MPPED2: variants seen among roughly 807,000 people sequenced by gnomAD.
MPPED2 encodes metallophosphoesterase MPPED2.
In MPPED2, 5 loss-of-function variants were observed where a neutral mutation model predicts 33.0. The observed-to-expected ratio is 0.15, with a 90% CI of 0.08 to 0.32. The LOEUF is 0.32. Ranked by LOEUF, MPPED2 falls within the 10% of genes least tolerant of loss-of-function variation. The pLI is 1.00. For synonymous variants in MPPED2, 136 were observed against 141.9 expected, an observed-to-expected ratio of 0.96 and a Z score of 0.29; for missense variants, 275 against 372.1, an observed-to-expected ratio of 0.74 and a Z score of 2.15.
At chr11:30,411,634 T>A in intron 6 of MPPED2, 48 bp from the exon 7 acceptor site, 1 of 1,514,292 alleles carries the variant, frequency 6.6e-7, no homozygotes, top group Non-Finnish European at 9.0e-7. Flanking sequence ...CAAATGAGAG[T>A]GATGGAATGT....
intron 4 of MPPED2, among the ~76,000 whole-genome samples, chr11:30,448,237 A>G (rs1949900489): frequency 6.6e-6 from 1 of 152,232 alleles, no homozygotes; most frequent in Non-Finnish European, 1.5e-5. Flanking sequence ...AACCCTACGC[A>G]TGTCATGCTT....
At chr11:30,401,976 C>T (rs1235495434) in intron 6 of MPPED2, among the ~76,000 whole-genome samples, 2 of 151,994 alleles carry the variant, frequency 1.3e-5, no homozygotes, top group South Asian at 2.1e-4. Flanking sequence ...GGATTACAGA[C>T]GTGAGCCACC....
chr11:30,421,110 G>A (rs996151069), intron 4 of MPPED2, among the ~76,000 whole-genome samples: 5 of 152,158 alleles, frequency 3.3e-5, no homozygotes, highest in Non-Finnish European at 7.3e-5. Flanking sequence ...TTGTTACAAC[G>A]AGGAGATCTG....
At chr11:30,580,982 T>G (rs911763991) in intron 1 of MPPED2, among the ~76,000 whole-genome samples, 41 of 152,246 alleles carry the variant, frequency 2.7e-4, no homozygotes, top group African/African-American at 9.4e-4. Flanking sequence ...CAAATACATG[T>G]GTATTACTAT....
In MPPED2 at chr11:30,481,731, G is replaced by A. The variant is rs574089286; in HGVS notation, c.536+13565C>T. Among the ~76,000 whole-genome samples, 10 of 152,114 alleles carry A rather than the reference G, an allele frequency of 6.6e-5. No individual in the cohort carries two copies. The East Asian group carries it at 1.5e-3, about 23-fold the overall frequency. ...GTCACATTCAGGGATGAATCAAAAC[G>A]CAGCACCAAAAAGGTCTGGGTTTTA... On this transcript the variant is annotated intron_variant, in intron 4 of 6. Coordinates refer to ENST00000358117, the MANE Select transcript of MPPED2 (RefSeq NM_001584.3).
chr11:30,436,050 C>CTTTTTTT (rs71060449), intron 4 of MPPED2, among the ~76,000 whole-genome samples: 1 of 108,462 alleles, frequency 9.2e-6, no homozygotes, highest in Non-Finnish European at 1.8e-5. Flanking sequence ...AGTTTAGCAT[C>CTTTTTTT]TTTTTTTTTT....
At position 30,459,640 on chromosome 11, in the gene MPPED2, G is replaced by A. The variant is rs1046598802; in HGVS notation, c.536+35656C>T. On this transcript the variant is annotated intron_variant, in intron 4 of 6. Transcript: ENST00000358117. ...CAAATCCACAAAGCTTCACATAGAA[G>A]CTCTCTCTCTCTGGTATCATATTAT... Among the ~76,000 whole-genome samples the A allele has an allele frequency of 2.0e-5, 3 of 151,960 alleles. No individual in the cohort carries two copies. The East Asian group carries it at 5.8e-4, about 29-fold the overall frequency.
chr11:30,550,833 T>A (rs1955674544), intron 2 of MPPED2, among the ~76,000 whole-genome samples: 1 of 152,126 alleles, frequency 6.6e-6, no homozygotes, highest in Non-Finnish European at 1.5e-5. Flanking sequence ...AGTTACAGTG[T>A]TTTCTCACAA....
chr11:30,476,160 G>T (rs1260910610), intron 4 of MPPED2, among the ~76,000 whole-genome samples: 1 of 151,910 alleles, frequency 6.6e-6, no homozygotes, highest in Non-Finnish European at 1.5e-5. Flanking sequence ...ATAATATCCA[G>T]ATTTATAGGT....
chr11:30,585,825 T>A (rs1238430693), intron 1 of MPPED2, among the ~76,000 whole-genome samples: 1 of 152,070 alleles, frequency 6.6e-6, no homozygotes, highest in East Asian at 1.9e-4. Flanking sequence ...AGCGCCGAAT[T>A]GCCCGGGAGG....
At chr11:30,560,559 T>C (rs953129878) in intron 2 of MPPED2, among the ~76,000 whole-genome samples, 1 of 152,130 alleles carries the variant, frequency 6.6e-6, no homozygotes, top group Non-Finnish European at 1.5e-5. Flanking sequence ...CTCTAGCAAC[T>C]AACATAAGTG....
chr11:30,430,057 A>C (rs1949011141), intron 4 of MPPED2, among the ~76,000 whole-genome samples: 1 of 152,216 alleles, frequency 6.6e-6, no homozygotes, highest in Admixed American at 6.5e-5. Flanking sequence ...AATAGAGGTC[A>C]AGAAAATATT....
At chr11:30,541,546 C>T (rs887142899) in intron 2 of MPPED2, among the ~76,000 whole-genome samples, 1 of 152,134 alleles carries the variant, frequency 6.6e-6, no homozygotes, top group Non-Finnish European at 1.5e-5. Context: ...CTTTTAGCAA[C>T]CCCCATTCCA....
chr11:30,399,103 A>G (rs1947875191), intron 6 of MPPED2, among the ~76,000 whole-genome samples: 1 of 152,084 alleles, frequency 6.6e-6, no homozygotes, highest in Non-Finnish European at 1.5e-5. Context: ...ATGTGACAAA[A>G]CAGATATTGT....
downstream of MPPED2, chr11:30,410,103 GA>G (rs1281399619): frequency 5.1e-6 from 5 of 984,612 alleles, no homozygotes; most frequent in East Asian, 1.1e-4. Flanking sequence ...GAAAATTAGG[GA>G]AAAAAATCAC....
At chr11:30,415,658 T>A (rs1948316721) in intron 5 of MPPED2, among the ~76,000 whole-genome samples, 1 of 152,244 alleles carries the variant, frequency 6.6e-6, no homozygotes, top group African/African-American at 2.4e-5. Context: ...GCTGTCACTC[T>A]GCTCTACTCA....
At chr11:30,431,920 A>G (rs1949094957) in intron 4 of MPPED2, among the ~76,000 whole-genome samples, 1 of 152,182 alleles carries the variant, frequency 6.6e-6, no homozygotes, top group Non-Finnish European at 1.5e-5. Context: ...CACGCCTGTA[A>G]TTCCAGCACT....
At chr11:30,548,535 T>C (rs755579271) in intron 2 of MPPED2, among the ~76,000 whole-genome samples, 28 of 152,208 alleles carry the variant, frequency 1.8e-4, no homozygotes, top group Non-Finnish European at 3.1e-4. Context: ...AACTATTGCT[T>C]GTAAAGGGCC....
intron 2 of MPPED2, among the ~76,000 whole-genome samples, chr11:30,542,688 G>T (rs978022927): frequency 1.3e-5 from 2 of 151,938 alleles, no homozygotes; most frequent in Non-Finnish European, 2.9e-5. Context: ...TTTGTTTAAG[G>T]TATGTCTCCT....
Sources: allele counts gnomAD v4.1 joint callset (sites outside exome capture counted in the v4.1 genomes callset), GRCh38; gene constraint gnomAD v4.1.1; transcripts MANE v1.5; gene names NCBI Gene and HGNC (gene_info 2026-07-23, HGNC 2026-07-21).